ZNF385B: variants seen among roughly 807,000 people sequenced by gnomAD.
ZNF385B encodes the protein zinc finger protein 385B.
ZNF385B carries 23 observed loss-of-function variants against 39.2 expected under a neutral mutation model. The ratio of observed to expected loss-of-function variants is 0.59; its 90% confidence interval spans 0.42 to 0.83. The LOEUF is 0.83. Ranked by LOEUF, ZNF385B falls within the 40% of genes least tolerant of loss-of-function variation. The pLI is 0.00. For missense variants in ZNF385B, 552 were observed against 598.9 expected (o/e 0.92, Z 0.82); for synonymous variants, 205 against 222.6 (o/e 0.92, Z 0.70).
At chr2:179,449,812 G>A (rs528097969) in intron 6 of ZNF385B, among the ~76,000 whole-genome samples, 1 of 152,112 alleles carries the variant, frequency 6.6e-6, no homozygotes, top group African/African-American at 2.4e-5. Flanking sequence ...TAAGCCAAAA[G>A]AACAAAGCTG....
intron 3 of ZNF385B, among the ~76,000 whole-genome samples, chr2:179,565,656 A>G (rs542023294): frequency 6.8e-4 from 103 of 152,352 alleles, no homozygotes; most frequent in Non-Finnish European, 1.1e-3. Flanking sequence ...GTTCTTGGAC[A>G]TACACACTTT....
At chr2:179,522,240 TATAA>T (rs1254976141) in intron 4 of ZNF385B, among the ~76,000 whole-genome samples, 2 of 152,158 alleles carry the variant, frequency 1.3e-5, no homozygotes, top group East Asian at 3.9e-4. Flanking sequence ...TTTTAAAAAG[TATAA>T]AGTGGTAAAA....
At chr2:179,822,293 A>G (rs555757386) in intron 1 of ZNF385B, among the ~76,000 whole-genome samples, 3 of 152,378 alleles carry the variant, frequency 2.0e-5, no homozygotes, top group Non-Finnish European at 4.4e-5. Context: ...TTCTTAAATT[A>G]GCAGAGCTTA....
chr2:179,730,420 T>TA lies in ZNF385B; in HGVS notation c.298+39082dup, dbSNP rs562024050. ...CATTTCAATATATACCTTGACTTCTTACGTTCTATCTCCTGTCCCCGTTTC... is the reference window on the plus strand; with the variant it reads ...CATTTCAATATATACCTTGACTTCTTAACGTTCTATCTCCTGTCCCCGTTTC... On this transcript the variant is annotated intron_variant, in intron 3 of 9. Transcript: ENST00000410066. Among the ~76,000 whole-genome samples, 214 of 152,346 alleles carry TA rather than the reference T, an allele frequency of 1.4e-3. 1 individual carries two copies. The highest frequency in any genetic ancestry group is 4.9e-3 in the African/African-American group (205 of 41,586).
Position 179,443,261 on chromosome 2 carries a change from CAA to C in ZNF385B, c.1448_1449del (p.Phe483CysfsTer70). 1.2e-6 allele frequency: 2 copies of C among 1,612,318 alleles called. No homozygotes were observed. The highest frequency in any genetic ancestry group is 1.7e-6 in the Non-Finnish European group (2 of 1,180,014). On this transcript the variant is annotated frameshift_variant, in exon 10 of 10. Coordinates refer to ENST00000410066, the MANE Select transcript of ZNF385B (RefSeq NM_152520.6). LOFTEE classifies it high-confidence loss of function. ...PIRATPASIL[F>X]APY ...GGGGTTTGCAGACGTTAGTACGGAG[CAA>C]AGAGGATGGAGGCAGGAGTGGCGCG...
chr2:179,516,760 G>A (rs912332910), intron 5 of ZNF385B, among the ~76,000 whole-genome samples: 5 of 151,932 alleles, frequency 3.3e-5, no homozygotes, highest in African/African-American at 1.2e-4. Flanking sequence ...TTTAAATTTT[G>A]ATAAAGTCCA....
At chr2:179,842,523 T>C (rs1445054915) in intron 1 of ZNF385B, among the ~76,000 whole-genome samples, 1 of 152,204 alleles carries the variant, frequency 6.6e-6, no homozygotes, top group Admixed American at 6.5e-5. Flanking sequence ...CTCAGGGTTG[T>C]ATGGGGAGGG....
At position 179,576,048 on chromosome 2, in the gene ZNF385B, A is replaced by C. The variant is rs1685774848; in HGVS notation, c.299-31079T>G. On this transcript the variant is annotated intron_variant, in intron 3 of 9. Coordinates refer to ENST00000410066, the MANE Select transcript of ZNF385B (RefSeq NM_152520.6). ...GTATTCTTTAAGTTAGACGATGGCA[A>C]CTCTGGCACAACACTTGCCCCGTAC... 9 of 739,346 alleles carry C rather than the reference A, an allele frequency of 1.2e-5. No individual in the cohort carries two copies. In the South Asian group the frequency reaches 4.3e-4, roughly 35 times the overall value. The allele number at this position is 739,346 out of a possible 1,614,324, so 45.8% of individuals were successfully genotyped here.
chr2:179,655,370 A>C (rs1029939416), intron 3 of ZNF385B, among the ~76,000 whole-genome samples: 2 of 152,142 alleles, frequency 1.3e-5, no homozygotes, highest in African/African-American at 2.4e-5. Flanking sequence ...TATATCATAC[A>C]TATCAAAGTT....
chr2:179,727,954 T>C (rs1197160937), intron 3 of ZNF385B, among the ~76,000 whole-genome samples: 2 of 152,116 alleles, frequency 1.3e-5, no homozygotes, highest in African/African-American at 2.4e-5. Flanking sequence ...AATGCATGAA[T>C]ATTGATAATA....
intron 3 of ZNF385B, among the ~76,000 whole-genome samples, chr2:179,642,348 C>T (rs953595454): frequency 6.6e-6 from 1 of 152,160 alleles, no homozygotes; most frequent in African/African-American, 2.4e-5. Context: ...GTTTCATTTA[C>T]ATCCTCAAAC....
intron 1 of ZNF385B, among the ~76,000 whole-genome samples, chr2:179,793,010 T>C (rs1010975367): frequency 2.6e-5 from 4 of 152,312 alleles, no homozygotes; most frequent in Admixed American, 2.0e-4. Context: ...CTAGGGACCA[T>C]ACATTGAGAA....
intron 3 of ZNF385B, among the ~76,000 whole-genome samples, chr2:179,677,797 T>G (rs1697042484): frequency 6.6e-6 from 1 of 152,288 alleles, no homozygotes; most frequent in Admixed American, 6.5e-5. Flanking sequence ...TTTTTCCCCG[T>G]CCACTTCACA....
chr2:179,506,486 A>C (rs1429874105), intron 5 of ZNF385B, among the ~76,000 whole-genome samples: 3 of 152,178 alleles, frequency 2.0e-5, no homozygotes, highest in African/African-American at 7.2e-5. Flanking sequence ...ATGTAATATC[A>C]GTGGTATAAT....
rs115942768 is a variant in ZNF385B at position 179,728,269 on chromosome 2, C to T, written c.298+41234G>A. Reference sequence around the variant, plus strand: ...CTTCTCTCTTTTTAAACTGTGAGTGCAGCCGAACTTCAAGCACCTACAAAA... The same window carrying T: ...CTTCTCTCTTTTTAAACTGTGAGTGTAGCCGAACTTCAAGCACCTACAAAA... On this transcript the variant is annotated intron_variant, in intron 3 of 9. Coordinates refer to ENST00000410066, the MANE Select transcript of ZNF385B (RefSeq NM_152520.6). Among the ~76,000 whole-genome samples, 879 of 152,186 alleles carry T rather than the reference C, an allele frequency of 5.8e-3. 8 individuals are homozygous for T. Among genetic ancestry groups the T allele is most frequent in the Non-Finnish European group, 9.7e-3 (658 of 67,970 alleles).
chr2:179,587,205 C>T lies in ZNF385B; in HGVS notation c.299-42236G>A, dbSNP rs150316791. ...CAGCTGAAGACAAACTAATATGTTA[C>T]CACATTCTTGTTGGCAGAAGAAATA... On this transcript the variant is annotated intron_variant, in intron 3 of 9. Coordinates refer to ENST00000410066, the MANE Select transcript of ZNF385B (RefSeq NM_152520.6). Among the ~76,000 whole-genome samples the T allele has an allele frequency of 1.9e-3, 289 of 152,214 alleles. 1 individual carries two copies. The highest frequency in any genetic ancestry group is 0.01 in the Middle Eastern group (3 of 294).
chr2:179,681,395 T>C (rs1697501966), intron 3 of ZNF385B, among the ~76,000 whole-genome samples: 1 of 152,188 alleles, frequency 6.6e-6, no homozygotes, highest in African/African-American at 2.4e-5. Flanking sequence ...TGAAGTTCTT[T>C]AGTTCATTTT....
In ZNF385B at chr2:179,648,234, T is replaced by C. The variant is rs75548719; in HGVS notation, c.299-103265A>G. 4.6e-5 allele frequency among the ~76,000 whole-genome samples: 7 copies of C among 152,034 alleles called. No individual in the cohort carries two copies. In the East Asian group the frequency reaches 1.2e-3, roughly 25 times the overall value. On this transcript the variant is annotated intron_variant, in intron 3 of 9. Transcript: ENST00000410066. Reference sequence around the variant, plus strand: ...CCCCATGTGGTGTGTCAGAGCCCAGTTGGGATGAGGAGGCATCTAATAAGG... The same window carrying C: ...CCCCATGTGGTGTGTCAGAGCCCAGCTGGGATGAGGAGGCATCTAATAAGG...
At chr2:179,660,851 TTC>T (rs1234334906) in intron 3 of ZNF385B, among the ~76,000 whole-genome samples, 2 of 152,122 alleles carry the variant, frequency 1.3e-5, no homozygotes, top group Admixed American at 6.5e-5. Flanking sequence ...TGAATGTGAT[TTC>T]TGAGACTATG....
Sources: allele counts gnomAD v4.1 joint callset (sites outside exome capture counted in the v4.1 genomes callset), GRCh38; gene constraint gnomAD v4.1.1; transcripts MANE v1.5; gene names NCBI Gene and HGNC (gene_info 2026-07-23, HGNC 2026-07-21).